Variants in NLE1 observed in about 807,000 individuals in gnomAD.
NLE1 encodes the protein notchless protein homolog 1.
A neutral mutation model predicts 62.8 loss-of-function variants in NLE1; 37 were observed. The ratio of observed to expected loss-of-function variants is 0.59; its 90% CI spans 0.45 to 0.78. The LOEUF is 0.78. Ranked by LOEUF, NLE1 falls within the 30% of genes least tolerant of loss-of-function variation. The probability of loss-of-function intolerance (pLI) is 0.00; values close to 1 mark genes in which losing one functional copy is unlikely to be tolerated. For missense variants in NLE1, 555 were observed against 637.9 expected, an observed-to-expected ratio of 0.87 and a Z score of 1.40; for synonymous variants, 243 against 253.0, an observed-to-expected ratio of 0.96 and a Z score of 0.37.
In NLE1 at chr17:35,140,858, G is replaced by T. The variant is rs559489016; in HGVS notation, c.163-792C>A. ...GCCCACCTCAGCCTCCCAAAGTACT[G>T]GGATTACAGGCATAAGCCACTGCAC... On this transcript the variant is annotated intron_variant, in intron 2 of 12. Transcript: ENST00000442241. Among the ~76,000 whole-genome samples, 4 of 152,284 alleles carry T rather than the reference G, an allele frequency of 2.6e-5. No homozygotes were observed. The South Asian group carries it at 8.3e-4, about 32-fold the overall frequency.
At chr17:35,141,907 C>G in intron 2 of NLE1, 72 bp downstream of exon 2, 1 of 1,484,514 alleles carries the variant, frequency 6.7e-7, no homozygotes, top group Non-Finnish European at 9.1e-7. Context: ...ACCGCAGACC[C>G]TCGGTAATAT....
chr17:35,132,407 G>A lies in NLE1; in HGVS notation c.*30C>T. 6.9e-7 allele frequency: 1 copy of A among 1,448,564 alleles called. No homozygotes were observed. The allele number at this position is 1,448,564 out of a possible 1,614,324, so 89.7% of individuals were successfully genotyped here. A position where few individuals can be genotyped will look rare whatever the true frequency, so the allele number is the denominator to read the frequency against. On this transcript the variant is annotated 3_prime_UTR_variant, in exon 13 of 13. Transcript: ENST00000442241. Reference sequence around the variant, plus strand: ...AGGCAGCTGGCAGAGGCCGAGTCGAGGTGGGGGTCAGAGAGAACTTCGGGC... The same window carrying A: ...AGGCAGCTGGCAGAGGCCGAGTCGAAGTGGGGGTCAGAGAGAACTTCGGGC...
In NLE1 at chr17:35,137,836, G is replaced by A. The variant is rs1251936994; in HGVS notation, c.515C>T (p.Ala172Val). The stretch of plus-strand genomic sequence containing the variant: ...TACCTGGCCATTCTTGCAGCCTGAG[G>A]CCAGCTTCCTGCCATCTGGAGACCA... ...ISWSPDGRKLASGCKNGQILL... is the reference protein window; with the variant it reads ...ISWSPDGRKLVSGCKNGQILL... The change falls in exon 5 of 13, where the codon GCC (alanine) becomes GTC (valine). Residue 172 changes from alanine (A) to valine (V), a missense_variant. Coordinates refer to ENST00000442241, the MANE Select transcript of NLE1 (RefSeq NM_018096.5). 1 of 1,613,648 alleles carries A rather than the reference G, an allele frequency of 6.2e-7. No individual in the cohort carries two copies. Among genetic ancestry groups the A allele is most frequent in the Non-Finnish European group, 8.5e-7 (1 of 1,179,688 alleles).
rs753443866 is a variant in NLE1 at position 35,142,255 on chromosome 17, C to A, written c.18+3G>T. The A allele has an allele frequency of 3.9e-6, 6 of 1,548,300 alleles. No homozygotes were observed. The highest frequency in any genetic ancestry group is 5.2e-6 in the Non-Finnish European group (6 of 1,149,082). The stretch of plus-strand genomic sequence containing the variant: ...CCCCCCGCCCCCATCCACGCACACC[C>A]ACCGGCACTGCTGCCGCCATCCTGC... On this transcript the variant is annotated splice_donor_region_variant and intron_variant, in intron 1 of 12. Coordinates refer to ENST00000442241, the MANE Select transcript of NLE1 (RefSeq NM_018096.5).
At chr17:35,139,051 T>C (rs1167469936) in intron 4 of NLE1, among the ~76,000 whole-genome samples, 184 bp downstream of exon 4, 1 of 152,088 alleles carries the variant, frequency 6.6e-6, no homozygotes, top group Non-Finnish European at 1.5e-5. Flanking sequence ...TGATGGCAAG[T>C]GCCTGTCATC....
chr17:35,134,887 A>G (rs1034289408), intron 10 of NLE1: 10 of 373,016 alleles, frequency 2.7e-5, no homozygotes, highest in Non-Finnish European at 5.3e-5. Context: ...CCCCGTCTCA[A>G]CTAAAAATAC....
chr17:35,130,028 T>G lies in NLE1; in HGVS notation c.*2409A>C. The G allele has an allele frequency of 7.2e-7, 1 of 1,388,444 alleles. No homozygotes were observed. The highest frequency in any genetic ancestry group is 9.3e-7 in the Non-Finnish European group (1 of 1,074,154). 86.0% of individuals were successfully genotyped at this position (1,388,444 alleles called of 1,614,324 possible). ...AAGGGGGACGAAGAAGGGAACAGCC[T>G]GGGTATGGGGTAGGGGTATGGGGGT... is the stretch of plus-strand genomic sequence containing the variant. On this transcript the variant is annotated 3_prime_UTR_variant, in exon 13 of 13. Coordinates refer to ENST00000442241, the MANE Select transcript of NLE1 (RefSeq NM_018096.5).
intron 4 of NLE1, 119 bp from the exon 5 acceptor site, chr17:35,138,009 A>G (rs970297613): frequency 1.3e-5 from 9 of 707,646 alleles, no homozygotes; most frequent in Non-Finnish European, 2.1e-5. Context: ...TGATTGAACA[A>G]AAGGAGCGAT....
In NLE1 at chr17:35,137,854, G is replaced by A; in HGVS notation, c.497C>T (p.Pro166Leu). The A allele has an allele frequency of 6.2e-7, 1 of 1,613,574 alleles. No individual in the cohort carries two copies. The highest frequency in any genetic ancestry group is 8.5e-7 in the Non-Finnish European group (1 of 1,179,676). ...RHWVLSISWS[P>L]DGRKLASGCK... ...GCCTGAGGCCAGCTTCCTGCCATCT[G>A]GAGACCAGGATATACTAAGGACCCA... Residue 166 changes from proline (P) to leucine (L), a missense_variant, in exon 5 of 13, where the codon CCA becomes CTA. Physicochemically the swap from Pro to Leu is moderately conservative, Grantham distance 98. Coordinates refer to ENST00000442241, the MANE Select transcript of NLE1 (RefSeq NM_018096.5).
At position 35,131,957 on chromosome 17, in the gene NLE1, G is replaced by A. The variant is rs2091878478; in HGVS notation, c.*480C>T. 6.6e-6 allele frequency: 1 copy of A among 152,644 alleles called. No homozygotes were observed. Among genetic ancestry groups the A allele is most frequent in the Non-Finnish European group, 1.5e-5 (1 of 68,338 alleles). The allele number at this position is 152,644 out of a possible 1,614,324, so 9.5% of individuals were successfully genotyped here. ...GGGAAGGCAAGTGCCTGGTCAGTGT[G>A]GTTTTGGCGTAGTCCAGTGCAAGGG... On this transcript the variant is annotated 3_prime_UTR_variant, in exon 13 of 13. Transcript: ENST00000442241.
intron 2 of NLE1, 21 bp from the exon 3 acceptor site, chr17:35,140,087 A>G: frequency 6.2e-7 from 1 of 1,609,328 alleles, no homozygotes; most frequent in Non-Finnish European, 8.5e-7. Flanking sequence ...ATGGTAAAGG[A>G]CAAACCCGCA....
chr17:35,135,786 G>A (rs1179939582), intron 9 of NLE1, among the ~76,000 whole-genome samples: 1 of 152,158 alleles, frequency 6.6e-6, no homozygotes. Context: ...ATATAGACAC[G>A]TGTCTGTATA....
chr17:35,129,270 T>C lies in NLE1; in HGVS notation c.*3167A>G, dbSNP rs1278056903. The C allele has an allele frequency of 2.0e-5, 19 of 949,166 alleles. No individual in the cohort carries two copies. Among genetic ancestry groups the C allele is most frequent in the Non-Finnish European group, 3.0e-5 (19 of 628,520 alleles). The allele number at this position is 949,166 out of a possible 1,614,324, so 58.8% of individuals were successfully genotyped here. On this transcript the variant is annotated 3_prime_UTR_variant, in exon 13 of 13. Transcript: ENST00000442241. ...TTCGGGGCAGGGGTTCCACACTCAGTGCTGCAGTACCTTGCACCTTCCATC... is the reference window on the plus strand; with the variant it reads ...TTCGGGGCAGGGGTTCCACACTCAGCGCTGCAGTACCTTGCACCTTCCATC...
chr17:35,136,233 AGG>A lies in NLE1; in HGVS notation c.965-20_965-19del, dbSNP rs2091907911. On this transcript the variant is annotated intron_variant, in intron 8 of 12. Transcript: ENST00000442241. ...CTCCTGCACTGTGACCAGGTACCGG[AGG>A]GGAGAAAAGGAGATGAGGAAGAAGG... 6.2e-7 allele frequency: 1 copy of A among 1,613,912 alleles called. No individual in the cohort carries two copies. Among genetic ancestry groups the A allele is most frequent in the Non-Finnish European group, 8.5e-7 (1 of 1,179,844 alleles).
In NLE1 at chr17:35,129,218, G is replaced by A; in HGVS notation, c.*3219C>T. ...AATGAGGGTGTACCCTAAAGTGGGTGGGGCTGCCCAGGAGAGTAGTACATG... is the reference window on the plus strand; with the variant it reads ...AATGAGGGTGTACCCTAAAGTGGGTAGGGCTGCCCAGGAGAGTAGTACATG... On this transcript the variant is annotated 3_prime_UTR_variant, in exon 13 of 13. Coordinates refer to ENST00000442241, the MANE Select transcript of NLE1 (RefSeq NM_018096.5). 1.5e-6 allele frequency: 1 copy of A among 646,300 alleles called. No individual in the cohort carries two copies. The highest frequency in any genetic ancestry group is 2.7e-6 in the Non-Finnish European group (1 of 371,452). 40.0% of individuals were successfully genotyped at this position (646,300 alleles called of 1,614,324 possible).
chr17:35,136,079 G>A, intron 9 of NLE1, 90 bp downstream of exon 9: 1 of 1,335,284 alleles, frequency 7.5e-7, no homozygotes, highest in Non-Finnish European at 1.1e-6. Flanking sequence ...TCTGAGCTGG[G>A]TCTAGAAGGG....
intron 10 of NLE1, chr17:35,134,805 A>G: frequency 2.9e-6 from 1 of 349,850 alleles, no homozygotes; most frequent in South Asian, 2.2e-5. Flanking sequence ...TAATCCCAGC[A>G]CTTTGGGAGG....
At position 35,128,864 on chromosome 17, in the gene NLE1, C is replaced by A. The variant is rs773650187; in HGVS notation, c.*3573G>T. The A allele has an allele frequency of 1.1e-4, 19 of 175,550 alleles. No individual in the cohort carries two copies. Among genetic ancestry groups the A allele is most frequent in the Non-Finnish European group, 2.2e-4 (19 of 85,532 alleles). 10.9% of individuals were successfully genotyped at this position (175,550 alleles called of 1,614,324 possible). ...TGGGAGCCCTGAGCTTGTTTTCCTG[C>A]AACGAGAGGGTCCCATTTGGGGGTG... On this transcript the variant is annotated 3_prime_UTR_variant, in exon 13 of 13. Transcript: ENST00000442241.
intron 10 of NLE1, 145 bp downstream of exon 10, chr17:35,135,104 G>C: frequency 2.7e-6 from 2 of 753,120 alleles, no homozygotes; most frequent in South Asian, 1.5e-5. Context: ...AAAGCTGAGA[G>C]GTAGGGGGTC....
Sources: gnomAD v4.1 joint callset for allele counts (sites outside exome capture counted in the v4.1 genomes callset) on GRCh38, gnomAD v4.1.1 for gene constraint, MANE v1.5 for transcripts, NCBI Gene and HGNC (gene_info 2026-07-23, HGNC 2026-07-21) for gene names.